Variants in LACTBL1 observed in about 807,000 individuals in gnomAD.
LACTBL1 encodes the protein lactamase beta like 1.
LACTBL1 carries 29 observed loss-of-function variants against 39.6 expected under a neutral mutation model. The observed-to-expected ratio is 0.73, with a 90% CI of 0.55 to 1.00. The LOEUF is 1.00. Among genes scored for constraint, LACTBL1 ranks in the 50% least tolerant of loss-of-function variants. LACTBL1 has a pLI of 0.00. For synonymous variants in LACTBL1, 361 were observed against 360.7 expected, an observed-to-expected ratio of 1.00 and a Z score of -0.01; for missense variants, 711 against 748.5, an observed-to-expected ratio of 0.95 and a Z score of 0.59.
chr1:22,963,667 G>A (rs959295391), intron 1 of LACTBL1, among the ~76,000 whole-genome samples: 3 of 152,156 alleles, frequency 2.0e-5, no homozygotes, highest in African/African-American at 7.2e-5. Context: ...CAGGGCTTTG[G>A]GGGCCTGAGT....
intron 2 of LACTBL1, among the ~76,000 whole-genome samples, chr1:22,961,300 C>T (rs559709632): frequency 1.5e-4 from 23 of 152,286 alleles, no homozygotes; most frequent in Middle Eastern, 3.4e-3. Context: ...CAAGTGGCTA[C>T]TGGCTGATGG....
rs901822408 is a variant in LACTBL1 at position 22,965,214 on chromosome 1, A to G, written c.49+76T>C. On this transcript the variant is annotated intron_variant, in intron 1 of 5. Coordinates refer to ENST00000426928, the Ensembl canonical transcript of LACTBL1. ...TTATGGTCCTCCCCTACACACTAGAATCAGGGGTGGCAGCTCAAAGCCCAG... is the reference window on the plus strand; with the variant it reads ...TTATGGTCCTCCCCTACACACTAGAGTCAGGGGTGGCAGCTCAAAGCCCAG... 5 of 1,224,320 alleles carry G rather than the reference A, an allele frequency of 4.1e-6. No individual in the cohort carries two copies. The African/African-American group carries it at 7.9e-5, about 19-fold the overall frequency. The allele number at this position is 1,224,320 out of a possible 1,614,324, so 75.8% of individuals were successfully genotyped here. A position where few individuals can be genotyped will look rare whatever the true frequency, so the allele number is the denominator to read the frequency against.
At chr1:22,959,755 G>A (rs1247048506) in intron 3 of LACTBL1, among the ~76,000 whole-genome samples, 187 bp downstream of exon 5, 1 of 152,178 alleles carries the variant, frequency 6.6e-6, no homozygotes, top group Non-Finnish European at 1.5e-5. Context: ...TGTAACATTG[G>A]GAACTCACTG....
exon 1 of LACTBL1, chr1:22,965,318 C>A: frequency 7.6e-7 from 1 of 1,319,166 alleles, no homozygotes; most frequent in South Asian, 2.3e-5. Flanking sequence ...GGTGATACTG[C>A]CACAGGAAGC....
exon 6 of LACTBL1, chr1:22,953,379 G>A: frequency 8.1e-7 from 1 of 1,228,446 alleles, no homozygotes; most frequent in Non-Finnish European, 1.0e-6. Context: ...TCAGGTTGGC[G>A]AAGGTGAAGT....
At chr1:22,963,654 C>T (rs1459498610) in intron 1 of LACTBL1, among the ~76,000 whole-genome samples, 1 of 152,194 alleles carries the variant, frequency 6.6e-6, no homozygotes, top group Non-Finnish European at 1.5e-5. Flanking sequence ...CAGAGCTGAG[C>T]ATCAGGGCTT....
intron 2 of LACTBL1, among the ~76,000 whole-genome samples, chr1:22,961,411 T>G (rs1189778586): frequency 6.6e-6 from 1 of 152,196 alleles, no homozygotes; most frequent in East Asian, 1.9e-4. Flanking sequence ...TCACCCAGGC[T>G]GGAGTTTAGT....
chr1:22,959,007 T>C (rs536734768), intron 3 of LACTBL1, 87 bp from the exon 6 acceptor site: 520 of 849,414 alleles, frequency 6.1e-4, no homozygotes, highest in Non-Finnish European at 8.3e-4. Context: ...AACTTTTTAG[T>C]GTTCTAGAAA....
chr1:22,963,075 T>C (rs10799777), intron 2 of LACTBL1, 32 bp downstream of exon 4: 783,454 of 1,202,794 alleles, frequency 0.65, 263,413 homozygotes, highest in Non-Finnish European at 0.69. Context: ...GCCCAGCCCA[T>C]ATGCCCAGTT....
chr1:22,958,698 G>A (rs1557770740), exon 4 of LACTBL1: 5 of 1,546,920 alleles, frequency 3.2e-6, no homozygotes, highest in Non-Finnish European at 4.4e-6. Flanking sequence ...AGAGCTGGCT[G>A]GCCATCCTTC....
chr1:22,969,818 C>G (rs1570504927), upstream of LACTBL1, among the ~76,000 whole-genome samples: 1 of 152,196 alleles, frequency 6.6e-6, no homozygotes, highest in Non-Finnish European at 1.5e-5. Flanking sequence ...CTACTGGCTT[C>G]TTTGTCTGGG....
chr1:22,954,074 G>C, intron 5 of LACTBL1, 50 bp from the exon 8 acceptor site: 1 of 1,466,446 alleles, frequency 6.8e-7, no homozygotes, highest in South Asian at 1.4e-5. Flanking sequence ...TCACCCGCCC[G>C]CGCTGTCTGA....
chr1:22,965,579 C>T (rs976147972), upstream of LACTBL1, among the ~76,000 whole-genome samples: 18 of 152,246 alleles, frequency 1.2e-4, no homozygotes, highest in Middle Eastern at 6.8e-3. Context: ...AACCAATGCC[C>T]TTCCCAGTGT....
At chr1:22,965,372 G>C, upstream of LACTBL1, 1 of 1,269,418 alleles carries the variant, frequency 7.9e-7, no homozygotes, top group Non-Finnish European at 1.0e-6. Flanking sequence ...AGCTGCAGAT[G>C]GCCGGGAGGA....
chr1:22,971,696 G>A, the LACTBL1 span, among the ~76,000 whole-genome samples: 1 of 152,362 alleles, frequency 6.6e-6, no homozygotes, highest in East Asian at 1.9e-4. Flanking sequence ...GGCATAATCA[G>A]ACACAAGGGC....
At chr1:22,960,613 G>A (rs1316006523) in intron 2 of LACTBL1, among the ~76,000 whole-genome samples, 19 of 77,006 alleles carry the variant, frequency 2.5e-4, no homozygotes, top group Admixed American at 2.1e-4. Context: ...GCGAAACTCC[G>A]TCTCAAAAAA....
At chr1:22,963,959 T>G (rs1364746594) in intron 1 of LACTBL1, among the ~76,000 whole-genome samples, 1 of 152,174 alleles carries the variant, frequency 6.6e-6, no homozygotes, top group Non-Finnish European at 1.5e-5. Flanking sequence ...CTCACCCTGT[T>G]GCCCAGGCTG....
chr1:22,955,767 T>C lies in LACTBL1; in HGVS notation c.554-341A>G, dbSNP rs1393927287. 2.6e-5 allele frequency among the ~76,000 whole-genome samples: 4 copies of C among 152,172 alleles called. No individual in the cohort carries two copies. The East Asian group carries it at 7.7e-4, about 29-fold the overall frequency. On this transcript the variant is annotated intron_variant, in intron 4 of 5. Coordinates refer to ENST00000426928, the Ensembl canonical transcript of LACTBL1. ...TCAAAAAATAATTGCTATCATCAAC[T>C]ATAGAAAGTTTGGGGCCGGGCGCGG...
At chr1:22,959,710 A>C (rs1640799889) in intron 3 of LACTBL1, among the ~76,000 whole-genome samples, 1 of 152,232 alleles carries the variant, frequency 6.6e-6, no homozygotes, top group South Asian at 2.1e-4. Flanking sequence ...GGTTCTTTCC[A>C]GAAGGGATTC....
Sources: gnomAD v4.1 joint callset for allele counts (sites outside exome capture counted in the v4.1 genomes callset) on GRCh38, gnomAD v4.1.1 for gene constraint, MANE v1.5 for transcripts, NCBI Gene and HGNC (gene_info 2026-07-23, HGNC 2026-07-21) for gene names.